Variants in GTF2IRD1 observed in about 807,000 individuals in gnomAD.
The protein encoded by GTF2IRD1 is GTF2I repeat domain containing 1, also known as general transcription factor II-I repeat domain-containing protein 1.
A neutral mutation model predicts 113.2 loss-of-function variants in GTF2IRD1; 26 were observed. The observed-to-expected ratio is 0.23, with a 90% CI of 0.17 to 0.32. The LOEUF (loss-of-function observed/expected upper bound fraction) is 0.32. Among genes scored for constraint, GTF2IRD1 ranks in the 10% least tolerant of loss-of-function variants. The pLI is 1.00. For synonymous variants in GTF2IRD1, 484 were observed against 529.1 expected, an observed-to-expected ratio of 0.91 and a Z score of 1.17; for missense variants, 864 against 1,280.8, an observed-to-expected ratio of 0.67 and a Z score of 4.97.
At position 74,520,135 on chromosome 7, in the gene GTF2IRD1, C is replaced by G. The variant is rs1797192881; in HGVS notation, c.916+416C>G. ...AAAAAAAAAAGCACCAGCGATATTT[C>G]AGGTGTCAAAGGTGGGAGATCCACA... On this transcript the variant is annotated intron_variant, in intron 6 of 26. Transcript: ENST00000424337. Among the ~76,000 whole-genome samples, 3 of 135,320 alleles carry G rather than the reference C, an allele frequency of 2.2e-5. No individual in the cohort carries two copies. In the South Asian group the frequency reaches 7.7e-4, roughly 35 times the overall value. The allele number at this position is 135,320 out of a possible 152,430, so 88.8% of individuals were successfully genotyped here.
intron 22 of GTF2IRD1, among the ~76,000 whole-genome samples, chr7:74,579,846 G>A (rs781990377): frequency 6.6e-6 from 1 of 152,090 alleles, no homozygotes; most frequent in Non-Finnish European, 1.5e-5. Context: ...GCAGGCTGTG[G>A]TAGGGGATGG....
intron 22 of GTF2IRD1, among the ~76,000 whole-genome samples, chr7:74,578,994 A>C (rs1182960280): frequency 6.6e-6 from 1 of 151,978 alleles, no homozygotes; most frequent in Non-Finnish European, 1.5e-5. Flanking sequence ...CTCAAAAAAA[A>C]AAAAAAAGCA....
chr7:74,514,794 C>A (rs1239907983), intron 3 of GTF2IRD1, among the ~76,000 whole-genome samples: 1 of 151,874 alleles, frequency 6.6e-6, no homozygotes, highest in East Asian at 1.9e-4. Flanking sequence ...CACAGAAAGG[C>A]ATGGATGGGG....
intron 8 of GTF2IRD1, among the ~76,000 whole-genome samples, chr7:74,526,064 G>T (rs587690577): frequency 6.6e-6 from 1 of 152,306 alleles, no homozygotes; most frequent in African/African-American, 2.4e-5. Flanking sequence ...GTCTGCACCT[G>T]CCCCTGAGTC....
At chr7:74,576,265 G>A (rs1274605358) in intron 22 of GTF2IRD1, among the ~76,000 whole-genome samples, 1 of 151,932 alleles carries the variant, frequency 6.6e-6, no homozygotes, top group Non-Finnish European at 1.5e-5. Context: ...CAAGGCTAAT[G>A]TCAAGGTGTC....
At position 74,599,089 on chromosome 7, in the gene GTF2IRD1, G is replaced by A. The variant is rs116429183; in HGVS notation, c.2630-1955G>A. On this transcript the variant is annotated intron_variant, in intron 25 of 26. Coordinates refer to ENST00000424337, the MANE Select transcript of GTF2IRD1 (RefSeq NM_005685.4). Reference sequence around the variant, plus strand: ...GCAGGAGAATTCTTTGAGCCCAAGAGTTCAAGACCAGACTGGGCAACATAC... The same window carrying A: ...GCAGGAGAATTCTTTGAGCCCAAGAATTCAAGACCAGACTGGGCAACATAC... Among the ~76,000 whole-genome samples the A allele has an allele frequency of 2.8e-3, 432 of 152,272 alleles. 3 individuals carry two copies. The highest frequency in any genetic ancestry group is 0.01 in the African/African-American group (424 of 41,554).
intron 1 of GTF2IRD1, among the ~76,000 whole-genome samples, chr7:74,474,602 T>C (rs1554333160): frequency 2.6e-5 from 4 of 152,210 alleles, no homozygotes. Context: ...CTCTTTGTGC[T>C]GTGTGACCTT....
At chr7:74,457,130 G>A (rs558095928) in intron 1 of GTF2IRD1, among the ~76,000 whole-genome samples, 391 of 151,836 alleles carry the variant, frequency 2.6e-3, no homozygotes, top group African/African-American at 9.1e-3. Context: ...AGCTGGGACC[G>A]CAGACAAGGG....
At chr7:74,496,441 ATT>A (rs1795703979) in intron 1 of GTF2IRD1, among the ~76,000 whole-genome samples, 1 of 126,272 alleles carries the variant, frequency 7.9e-6, no homozygotes, top group African/African-American at 3.3e-5. Flanking sequence ...GTGTGTATGC[ATT>A]TGAGTGTGGG....
rs1313282265 is a variant in GTF2IRD1, at chr7:74,558,925, C to T, written c.2172C>T (p.Gly724=). The T allele has an allele frequency of 5.6e-6, 9 of 1,614,124 alleles. No individual in the cohort carries two copies. The East Asian group carries it at 1.8e-4, about 32-fold the overall frequency. Residue 724 remains glycine, a synonymous_variant, in exon 21 of 27, where the codon GGC becomes GGT. Transcript: ENST00000424337. ...ACAAGCGGATCAAGAGTAACCCCGG[C>T]TCCGTGATCATCGAGGGGCTGCCCC... The part of the protein sequence containing the change: ...VPYKRIKSNP[G]SVIIEGLPPG...
intron 2 of GTF2IRD1, among the ~76,000 whole-genome samples, chr7:74,511,341 C>A (rs148523391): frequency 6.6e-6 from 1 of 152,346 alleles, no homozygotes; most frequent in African/African-American, 2.4e-5. Context: ...TCCTCTTCCC[C>A]ACCAGCTCTG....
chr7:74,484,489 C>G (rs948085528), intron 1 of GTF2IRD1, among the ~76,000 whole-genome samples: 5 of 143,036 alleles, frequency 3.5e-5, no homozygotes, highest in Non-Finnish European at 7.5e-5. Flanking sequence ...GAGTCTCACT[C>G]TTTCACCCAC....
intron 1 of GTF2IRD1, among the ~76,000 whole-genome samples, chr7:74,476,485 C>T (rs1479037702): frequency 6.6e-6 from 1 of 151,924 alleles, no homozygotes; most frequent in East Asian, 1.9e-4. Flanking sequence ...CTGCCTCAGC[C>T]TCCCAAGTAG....
intron 5 of GTF2IRD1, among the ~76,000 whole-genome samples, 172 bp from the exon 6 acceptor site, chr7:74,519,237 C>T (rs977941684): frequency 6.6e-6 from 1 of 152,186 alleles, no homozygotes; most frequent in South Asian, 2.1e-4. Flanking sequence ...CACACCATTC[C>T]CACCTCCGAG....
intron 24 of GTF2IRD1, among the ~76,000 whole-genome samples, chr7:74,593,209 A>T (rs1313228164): frequency 9.2e-5 from 14 of 151,886 alleles, no homozygotes; most frequent in Non-Finnish European, 2.1e-4. Context: ...AAAAAAACAA[A>T]TTGTTCAAAA....
At chr7:74,513,684 T>C (rs193136695) in intron 3 of GTF2IRD1, among the ~76,000 whole-genome samples, 272 of 152,236 alleles carry the variant, frequency 1.8e-3, no homozygotes, top group African/African-American at 6.3e-3. Context: ...GACATCAACC[T>C]GAGGGGGCAG....
At chr7:74,525,099 C>A (rs147178906) in intron 8 of GTF2IRD1, among the ~76,000 whole-genome samples, 2 of 152,140 alleles carry the variant, frequency 1.3e-5, no homozygotes, top group African/African-American at 4.8e-5. Flanking sequence ...CCAGAAAAAT[C>A]TCTGTTGGCC....
Position 74,519,407 on chromosome 7 carries a change from A to C in GTF2IRD1, c.606-2A>C. 6.6e-7 allele frequency: 1 copy of C among 1,518,892 alleles called. No homozygotes were observed. Among genetic ancestry groups the C allele is most frequent in the Non-Finnish European group, 8.8e-7 (1 of 1,133,436 alleles). 94.1% of individuals were successfully genotyped at this position (1,518,892 alleles called of 1,614,324 possible). ...TGTCCATGTGTCCTCTCCTTTACTC[A>C]GGCCACTTGAGGATGGCGGGCGGGA... On this transcript the variant is annotated splice_acceptor_variant, in intron 5 of 26. Coordinates refer to ENST00000424337, the MANE Select transcript of GTF2IRD1 (RefSeq NM_005685.4). LOFTEE classifies it high-confidence loss of function.
At chr7:74,538,194 CTG>C (rs1554350691) in intron 12 of GTF2IRD1, 21 bp downstream of exon 12, 1 of 1,611,622 alleles carries the variant, frequency 6.2e-7, no homozygotes, top group Non-Finnish European at 8.5e-7. Flanking sequence ...ACAGGGCCCG[CTG>C]TGTGTGTGGT....
Sources: allele counts gnomAD v4.1 joint callset (sites outside exome capture counted in the v4.1 genomes callset), GRCh38; gene constraint gnomAD v4.1.1; transcripts MANE v1.5; gene names NCBI Gene and HGNC (gene_info 2026-07-23, HGNC 2026-07-21).